The following PIK3C2G variants were observed in gnomAD, a reference collection of about 807,000 sequenced individuals.
PIK3C2G encodes the protein phosphatidylinositol 3-kinase C2 domain-containing subunit gamma.
In PIK3C2G, 168 loss-of-function variants were observed where a neutral mutation model predicts 181.1. The ratio of observed to expected loss-of-function variants is 0.93; its 90% CI spans 0.82 to 1.05. The LOEUF (loss-of-function observed/expected upper bound fraction) is 1.05, where lower values mean the gene tolerates loss of function less well. PIK3C2G is among the 50% of genes least tolerant of loss of function. PIK3C2G has a pLI of 0.00. For missense variants in PIK3C2G, 1,869 were observed against 1,732.8 expected, an observed-to-expected ratio of 1.08 and a Z score of -1.40; for synonymous variants, 573 against 592.2, an observed-to-expected ratio of 0.97 and a Z score of 0.47.
chr12:18,676,973 C>G, the PIK3C2G span, among the ~76,000 whole-genome samples: 1 of 152,076 alleles, frequency 6.6e-6, no homozygotes, highest in Non-Finnish European at 1.5e-5. Flanking sequence ...ACATCTGGTT[C>G]AAACAACTTT....
At chr12:18,674,036 TGTGA>T in the PIK3C2G span, among the ~76,000 whole-genome samples, 1 of 152,200 alleles carries the variant, frequency 6.6e-6, no homozygotes, top group African/African-American at 2.4e-5. Flanking sequence ...TACACAAAGC[TGTGA>T]GTATCAGGAA....
chr12:18,517,030 C>CCT (rs1347256755), intron 24 of PIK3C2G, among the ~76,000 whole-genome samples: 1 of 139,850 alleles, frequency 7.2e-6, no homozygotes, highest in East Asian at 2.3e-4. Context: ...CTTTGCTTTT[C>CCT]CTTTTTTTTT....
intron 16 of PIK3C2G, among the ~76,000 whole-genome samples, chr12:18,411,385 T>C (rs1241691362): frequency 6.6e-6 from 1 of 152,124 alleles, no homozygotes; most frequent in Non-Finnish European, 1.5e-5. Context: ...TATAAGGAGA[T>C]TAAACTAGGT....
At chr12:18,701,557 CTTGA>C in the PIK3C2G span, 1 of 1,613,904 alleles carries the variant, frequency 6.2e-7, no homozygotes, top group Non-Finnish European at 8.5e-7. Context: ...GTTTCCTTGT[CTTGA>C]TTGTCTCCTA....
the PIK3C2G span, among the ~76,000 whole-genome samples, chr12:18,704,044 A>C: frequency 6.6e-6 from 1 of 152,222 alleles, no homozygotes; most frequent in Non-Finnish European, 1.5e-5. Context: ...CCAGCAAAGG[A>C]AACTAAGCAG....
At chr12:18,540,382 T>G (rs2136247331) in intron 25 of PIK3C2G, among the ~76,000 whole-genome samples, 1 of 152,056 alleles carries the variant, frequency 6.6e-6, no homozygotes, top group South Asian at 2.1e-4. Context: ...AAATATAAGT[T>G]ATGCTGTTTC....
intron 5 of PIK3C2G, among the ~76,000 whole-genome samples, chr12:18,313,502 C>T (rs1204647445): frequency 6.6e-6 from 1 of 152,034 alleles, no homozygotes; most frequent in Non-Finnish European, 1.5e-5. Context: ...GACATTTTCA[C>T]CACATCCCAA....
intron 31 of PIK3C2G, among the ~76,000 whole-genome samples, chr12:18,632,691 A>G (rs1401080754): frequency 6.6e-6 from 1 of 152,180 alleles, no homozygotes; most frequent in Non-Finnish European, 1.5e-5. Flanking sequence ...CAAATGGTGT[A>G]AGTCCCAGAG....
intron 10 of PIK3C2G, among the ~76,000 whole-genome samples, chr12:18,345,796 T>C (rs1429281979): frequency 2.6e-5 from 4 of 152,172 alleles, no homozygotes; most frequent in Non-Finnish European, 5.9e-5. Context: ...AACTACTATA[T>C]AGGGAATTGC....
At chr12:18,573,953 G>A (rs1332169839) in intron 29 of PIK3C2G, among the ~76,000 whole-genome samples, 1 of 152,216 alleles carries the variant, frequency 6.6e-6, no homozygotes, top group Middle Eastern at 3.4e-3. Flanking sequence ...CCCTAATTCT[G>A]TCCCATCTCA....
intron 24 of PIK3C2G, among the ~76,000 whole-genome samples, chr12:18,535,666 G>A (rs375209379): frequency 1.1e-4 from 17 of 152,100 alleles, no homozygotes; most frequent in African/African-American, 3.9e-4. Flanking sequence ...AATTATTTCC[G>A]AAGTTCTACT....
At chr12:18,703,716 T>C in the PIK3C2G span, among the ~76,000 whole-genome samples, 1 of 152,286 alleles carries the variant, frequency 6.6e-6, no homozygotes, top group East Asian at 1.9e-4. Context: ...TTTTTGCCTG[T>C]ATAAAACAAT....
At chr12:18,264,353 T>C (rs1948384588) in intron 1 of PIK3C2G, among the ~76,000 whole-genome samples, 1 of 152,152 alleles carries the variant, frequency 6.6e-6, no homozygotes, top group Non-Finnish European at 1.5e-5. Context: ...TACTATCATG[T>C]TCACTCACCT....
chr12:18,409,300 G>C (rs910540065), intron 16 of PIK3C2G, among the ~76,000 whole-genome samples: 6 of 152,078 alleles, frequency 3.9e-5, no homozygotes, highest in Non-Finnish European at 5.9e-5. Flanking sequence ...CATGAGAACA[G>C]AAAACTAAAC....
intron 10 of PIK3C2G, among the ~76,000 whole-genome samples, chr12:18,344,758 A>G (rs946705424): frequency 6.6e-6 from 1 of 152,254 alleles, no homozygotes; most frequent in African/African-American, 2.4e-5. Context: ...TCATGGCACT[A>G]TAACTCTTTT....
intron 16 of PIK3C2G, among the ~76,000 whole-genome samples, chr12:18,409,848 G>C (rs2135618018): frequency 6.6e-6 from 1 of 152,248 alleles, no homozygotes; most frequent in South Asian, 2.1e-4. Context: ...GGTTGGGGAG[G>C]CCTCAGGAAA....
intron 24 of PIK3C2G, among the ~76,000 whole-genome samples, chr12:18,520,905 G>A (rs1409331736): frequency 6.6e-6 from 1 of 152,152 alleles, no homozygotes; most frequent in African/African-American, 2.4e-5. Context: ...TGAGTCTGCT[G>A]ACCCTTGGAT....
upstream of PIK3C2G, among the ~76,000 whole-genome samples, chr12:18,256,801 CA>C (rs754673279): frequency 3.3e-5 from 5 of 151,992 alleles, no homozygotes; most frequent in Non-Finnish European, 7.4e-5. Context: ...ATCCTTAGAC[CA>C]AAGCTTCATT....
intron 1 of PIK3C2G, among the ~76,000 whole-genome samples, chr12:18,270,409 T>C (rs1948699801): frequency 6.6e-6 from 1 of 152,160 alleles, no homozygotes; most frequent in Admixed American, 6.5e-5. Context: ...CTGTTACCTT[T>C]GACTAAATGG....
Sources: gnomAD v4.1 joint callset for allele counts (sites outside exome capture counted in the v4.1 genomes callset) on GRCh38, gnomAD v4.1.1 for gene constraint, MANE v1.5 for transcripts, NCBI Gene and HGNC (gene_info 2026-07-23, HGNC 2026-07-21) for gene names.